The following ZYG11B variants were observed in gnomAD, a reference collection of about 807,000 sequenced individuals.
ZYG11B encodes zyg-11 family member B, cell cycle regulator.
Under a neutral mutation model 82.4 loss-of-function variants are expected in ZYG11B, and 36 were observed. The ratio of observed to expected loss-of-function variants is 0.44; its 90% CI spans 0.33 to 0.58. The LOEUF (loss-of-function observed/expected upper bound fraction) is 0.58, where lower values mean the gene tolerates loss of function less well. ZYG11B is among the 20% of genes least tolerant of loss of function. ZYG11B has a pLI of 0.02. For synonymous variants in ZYG11B, 303 were observed against 312.8 expected (o/e 0.97, Z 0.33); for missense variants, 552 against 895.6 (o/e 0.62, Z 4.90).
chr1:52,758,237 T>C (rs1205871095), intron 2 of ZYG11B, among the ~76,000 whole-genome samples: 1 of 151,836 alleles, frequency 6.6e-6, no homozygotes, highest in Non-Finnish European at 1.5e-5. Context: ...TTTATATCTT[T>C]ACAGTTGATA....
At chr1:52,802,227 C>A in intron 10 of ZYG11B, 88 bp downstream of exon 10, 2 of 1,294,716 alleles carry the variant, frequency 1.5e-6, no homozygotes, top group Non-Finnish European at 2.2e-6. Flanking sequence ...TCTGCAGTGG[C>A]AGTATCATAG....
intron 10 of ZYG11B, among the ~76,000 whole-genome samples, chr1:52,802,737 A>G (rs1645087657): frequency 6.6e-6 from 1 of 152,110 alleles, no homozygotes; most frequent in Admixed American, 6.6e-5. Flanking sequence ...CTGCTGTGAT[A>G]CTTGTAAACA....
At chr1:52,807,014 G>A (rs1428491956) in intron 10 of ZYG11B, among the ~76,000 whole-genome samples, 5 of 151,964 alleles carry the variant, frequency 3.3e-5, no homozygotes, top group South Asian at 2.1e-4. Context: ...GATTACAGGC[G>A]CCTGCCTCTG....
At position 52,801,802 on chromosome 1, in the gene ZYG11B, GTT is replaced by G. The variant is rs199605472; in HGVS notation, c.1486-5_1486-4del. On this transcript the variant is annotated splice_polypyrimidine_tract_variant and intron_variant, in intron 8 of 13. Coordinates refer to ENST00000294353, the MANE Select transcript of ZYG11B (RefSeq NM_024646.3). ...AGTTCAAAAGTGAAAACTTATTTCT[GTT>G]TTTTTTTTTTTCAGCAACTTCTTCA... is the stretch of plus-strand genomic sequence containing the variant. The G allele has an allele frequency of 1.6e-4, 216 of 1,359,206 alleles. No individual in the cohort carries two copies. The highest frequency in any genetic ancestry group is 7.1e-4 in the East Asian group (29 of 40,640). The allele number at this position is 1,359,206 out of a possible 1,614,324, so 84.2% of individuals were successfully genotyped here.
At chr1:52,820,680 C>T (rs955233516) in intron 13 of ZYG11B, among the ~76,000 whole-genome samples, 10 of 130,054 alleles carry the variant, frequency 7.7e-5, no homozygotes, top group Non-Finnish European at 1.2e-4. Flanking sequence ...GAGCCATGAT[C>T]ACCCCAGCCT....
intron 6 of ZYG11B, among the ~76,000 whole-genome samples, chr1:52,790,937 A>AT (rs527968480): frequency 1.5e-4 from 22 of 148,910 alleles, no homozygotes; most frequent in South Asian, 1.3e-3. Context: ...TGGAGCTTAA[A>AT]TTTTTTTTTT....
chr1:52,775,594 G>A (rs1485172134), intron 3 of ZYG11B, among the ~76,000 whole-genome samples: 1 of 152,130 alleles, frequency 6.6e-6, no homozygotes. Context: ...AGGAGGCTGA[G>A]GCAGGAGAAT....
At chr1:52,757,405 G>A (rs1644588273) in intron 2 of ZYG11B, among the ~76,000 whole-genome samples, 1 of 152,122 alleles carries the variant, frequency 6.6e-6, no homozygotes, top group Non-Finnish European at 1.5e-5. Flanking sequence ...GCCGGGCGTG[G>A]TGGCTCATGC....
intron 9 of ZYG11B, 28 bp from the exon 10 acceptor site, chr1:52,802,064 A>G (rs1292694762): frequency 6.3e-7 from 1 of 1,589,926 alleles, no homozygotes; most frequent in East Asian, 2.2e-5. Flanking sequence ...TTCTTCAGGT[A>G]ATTATAGGTT....
chr1:52,766,697 G>A (rs1558126333), intron 2 of ZYG11B, among the ~76,000 whole-genome samples: 1 of 152,186 alleles, frequency 6.6e-6, no homozygotes, highest in East Asian at 1.9e-4. Flanking sequence ...TGCCAGATTG[G>A]GGTTAATGTT....
intron 10 of ZYG11B, among the ~76,000 whole-genome samples, chr1:52,803,153 TACACATATATATATAC>T (rs1345836816): frequency 0.015 from 581 of 38,156 alleles, 48 homozygotes; most frequent in African/African-American, 0.069. Context: ...TATATATATA[TACACATATATATATAC>T]ACACATATAT....
At chr1:52,772,678 G>C (rs1333323079) in intron 3 of ZYG11B, 2 of 623,512 alleles carry the variant, frequency 3.2e-6, no homozygotes, top group Non-Finnish European at 5.8e-6. Context: ...CGAAAGGCTT[G>C]TTTTTTTTTT....
chr1:52,783,893 C>CATGTGTGTGTGTATGT, intron 4 of ZYG11B, among the ~76,000 whole-genome samples: 1 of 81,968 alleles, frequency 1.2e-5, no homozygotes, highest in African/African-American at 4.1e-5. Flanking sequence ...TATGTACATA[C>CATGTGTGTGTGTATGT]ACGTGTGTGT....
intron 1 of ZYG11B, among the ~76,000 whole-genome samples, chr1:52,746,915 C>T (rs1477185012): frequency 6.7e-6 from 1 of 150,186 alleles, no homozygotes; most frequent in Non-Finnish European, 1.5e-5. Flanking sequence ...TTTACTCCCC[C>T]CTCCATCCTT....
At chr1:52,760,361 C>T (rs1441963737) in intron 2 of ZYG11B, among the ~76,000 whole-genome samples, 1 of 152,006 alleles carries the variant, frequency 6.6e-6, no homozygotes. Flanking sequence ...GAGAGAATTG[C>T]TTGAACACGG....
chr1:52,789,753 A>G (rs1187092037), intron 5 of ZYG11B, among the ~76,000 whole-genome samples: 1 of 152,154 alleles, frequency 6.6e-6, no homozygotes, highest in South Asian at 2.1e-4. Flanking sequence ...ACCAGAAAGG[A>G]GATTAGCTGT....
Position 52,824,598 on chromosome 1 carries a change from C to T in ZYG11B, c.*2969C>T, listed in dbSNP as rs375978092. ...AGGTTGTGGTGAGCCAATATCATGCCACTGCACTCCAGCCTGGGTGACAGA... is the reference window on the plus strand; with the variant it reads ...AGGTTGTGGTGAGCCAATATCATGCTACTGCACTCCAGCCTGGGTGACAGA... On this transcript the variant is annotated 3_prime_UTR_variant, in exon 14 of 14. Transcript: ENST00000294353. The T allele has an allele frequency of 2.0e-5, 3 of 151,328 alleles. No homozygotes were observed. Among genetic ancestry groups the T allele is most frequent in the East Asian group, 3.9e-4 (2 of 5,144 alleles). The allele number at this position is 151,328 out of a possible 1,614,324, so 9.4% of individuals were successfully genotyped here. A position where few individuals can be genotyped will look rare whatever the true frequency, so the allele number is the denominator to read the frequency against.
intron 1 of ZYG11B, among the ~76,000 whole-genome samples, chr1:52,738,819 A>G (rs1644398946): frequency 6.6e-6 from 1 of 151,122 alleles, no homozygotes. Context: ...GGGTTTCTCC[A>G]TGTTGGTCTC....
intron 2 of ZYG11B, among the ~76,000 whole-genome samples, chr1:52,758,863 C>T (rs1037397482): frequency 6.6e-6 from 1 of 152,138 alleles, no homozygotes; most frequent in Non-Finnish European, 1.5e-5. Context: ...AGCTGCACAA[C>T]GATTTAAGAG....
Sources: gnomAD v4.1 joint callset for allele counts (sites outside exome capture counted in the v4.1 genomes callset) on GRCh38, gnomAD v4.1.1 for gene constraint, MANE v1.5 for transcripts, NCBI Gene and HGNC (gene_info 2026-07-23, HGNC 2026-07-21) for gene names.